Variants in EYS observed in about 807,000 individuals in gnomAD.
EYS encodes EGF-like photoreceptor maintenance factor.
EYS carries 250 observed loss-of-function variants against 282.1 expected under a neutral mutation model. That is an observed-to-expected ratio of 0.89 (90% CI 0.80 to 0.98). The LOEUF (loss-of-function observed/expected upper bound fraction) is 0.98, where lower values mean the gene tolerates loss of function less well. Ranked by LOEUF, EYS falls within the 50% of genes least tolerant of loss-of-function variation. The pLI is 0.00. For synonymous variants in EYS, 1,355 were observed against 1,282.9 expected, an observed-to-expected ratio of 1.06 and a Z score of -1.20; for missense variants, 4,016 against 3,709.0, an observed-to-expected ratio of 1.08 and a Z score of -2.15.
At chr6:64,880,259 C>A (rs1766872268) in intron 19 of EYS, among the ~76,000 whole-genome samples, 1 of 151,938 alleles carries the variant, frequency 6.6e-6, no homozygotes, top group Admixed American at 6.6e-5. Flanking sequence ...TGCAAGACTG[C>A]TAACTATAGC....
intron 22 of EYS, among the ~76,000 whole-genome samples, chr6:64,734,848 G>A (rs1772130903): frequency 6.6e-6 from 1 of 152,020 alleles, no homozygotes; most frequent in South Asian, 2.1e-4. Context: ...TATCTTTTGA[G>A]TATTTGTATA....
intron 26 of EYS, among the ~76,000 whole-genome samples, chr6:64,519,435 T>C (rs1269952751): frequency 2.0e-5 from 3 of 151,784 alleles, no homozygotes; most frequent in Non-Finnish European, 4.4e-5. Flanking sequence ...AAATGTTGAA[T>C]GAAGAGGAGA....
At chr6:64,548,031 G>A (rs532960400) in intron 26 of EYS, among the ~76,000 whole-genome samples, 33 of 152,150 alleles carry the variant, frequency 2.2e-4, no homozygotes, top group Non-Finnish European at 3.1e-4. Flanking sequence ...CCTGGTTCCC[G>A]CCTGCGCCTG....
chr6:64,797,812 A>ATAAGCAATT (rs1774405125), intron 22 of EYS, among the ~76,000 whole-genome samples: 1 of 152,128 alleles, frequency 6.6e-6, no homozygotes, highest in Admixed American at 6.6e-5. Flanking sequence ...TAAATCTTAA[A>ATAAGCAATT]TAAGCAATAT....
chr6:64,796,542 A>G (rs1159618488), intron 22 of EYS, among the ~76,000 whole-genome samples: 1 of 152,160 alleles, frequency 6.6e-6, no homozygotes, highest in Non-Finnish European at 1.5e-5. Flanking sequence ...AGTTGAGTTT[A>G]AGGCTCTGAA....
At chr6:64,613,343 C>T (rs1174289482) in intron 24 of EYS, among the ~76,000 whole-genome samples, 3 of 152,004 alleles carry the variant, frequency 2.0e-5, no homozygotes, top group Non-Finnish European at 4.4e-5. Context: ...GAAAGAAAAT[C>T]CATTCATGTT....
At chr6:64,513,475 T>C (rs979038011) in intron 26 of EYS, among the ~76,000 whole-genome samples, 1 of 151,958 alleles carries the variant, frequency 6.6e-6, no homozygotes, top group Non-Finnish European at 1.5e-5. Context: ...TATAAACTTG[T>C]AGTATCTATT....
At chr6:64,426,493 T>C (rs184836100) in intron 28 of EYS, among the ~76,000 whole-genome samples, 20 of 152,258 alleles carry the variant, frequency 1.3e-4, no homozygotes, top group Admixed American at 3.9e-4. Flanking sequence ...ATCAAAGTAA[T>C]ATAAGATCTC....
chr6:64,588,253 C>G (rs901897616), intron 26 of EYS, among the ~76,000 whole-genome samples: 4 of 152,032 alleles, frequency 2.6e-5, no homozygotes, highest in African/African-American at 7.2e-5. Flanking sequence ...TTTAGTGGAA[C>G]AAGCCATTAT....
At chr6:63,956,895 C>T (rs1765849358) in intron 35 of EYS, among the ~76,000 whole-genome samples, 1 of 152,138 alleles carries the variant, frequency 6.6e-6, no homozygotes, top group Admixed American at 6.5e-5. Context: ...GTCTCCAATA[C>T]ACCTTTTAAA....
rs917772540 is a variant in EYS, at chr6:63,796,932, C to T, written c.7412-7708G>A. Among the ~76,000 whole-genome samples the T allele has an allele frequency of 2.0e-5, 3 of 152,180 alleles. No homozygotes were observed. The South Asian group carries it at 6.2e-4, about 31-fold the overall frequency. On this transcript the variant is annotated intron_variant, in intron 37 of 42. Coordinates refer to ENST00000503581, the MANE Select transcript of EYS (RefSeq NM_001142800.2). ...AGAGAAAATGTAAGAGGAGCCACAA[C>T]GATGGTGCTGTGGTTCTCCCACCAA...
chr6:65,378,378 GA>G (rs1765466329), intron 8 of EYS, among the ~76,000 whole-genome samples: 1 of 152,092 alleles, frequency 6.6e-6, no homozygotes, highest in Non-Finnish European at 1.5e-5. Flanking sequence ...TAAATGTCAG[GA>G]ATCAACAGAT....
chr6:65,434,264 G>A (rs1767982417), intron 5 of EYS, among the ~76,000 whole-genome samples: 1 of 146,298 alleles, frequency 6.8e-6, no homozygotes, highest in Admixed American at 7.0e-5. Context: ...AGAAGGAAGA[G>A]GCAATATTAA....
chr6:63,720,492 G>T lies in EYS; in HGVS notation c.*104C>A. ...TATGTTAGCATTTAGACTATTTCAG[G>T]TAATATAGTAAACAGTTGATTCCCC... On this transcript the variant is annotated 3_prime_UTR_variant, in exon 43 of 43. Transcript: ENST00000503581. 2.6e-6 allele frequency: 2 copies of T among 774,368 alleles called. No homozygotes were observed. Among genetic ancestry groups the T allele is most frequent in the Non-Finnish European group, 3.9e-6 (2 of 506,346 alleles). 48.0% of individuals were successfully genotyped at this position (774,368 alleles called of 1,614,324 possible).
chr6:65,034,807 A>G (rs1772715828), intron 13 of EYS, among the ~76,000 whole-genome samples: 1 of 152,112 alleles, frequency 6.6e-6, no homozygotes, highest in Non-Finnish European at 1.5e-5. Context: ...TACAATTCCT[A>G]CTGAAACTAT....
chr6:64,999,145 A>C (rs1413556543), intron 13 of EYS, among the ~76,000 whole-genome samples: 1 of 152,242 alleles, frequency 6.6e-6, no homozygotes, highest in African/African-American at 2.4e-5. Context: ...TCTGGAATAA[A>C]AATTAATAAA....
intron 12 of EYS, among the ~76,000 whole-genome samples, chr6:65,168,494 T>A (rs1363140319): frequency 1.3e-5 from 2 of 151,218 alleles, no homozygotes; most frequent in Non-Finnish European, 3.0e-5. Context: ...CTCTTCCCTG[T>A]AACATCAAAT....
chr6:63,887,261 G>GTGACTAAAACTGAGAAAGGCCT (rs1773283141), intron 35 of EYS, among the ~76,000 whole-genome samples: 1 of 150,968 alleles, frequency 6.6e-6, no homozygotes, highest in Non-Finnish European at 1.5e-5. Flanking sequence ...AGACCATTAA[G>GTGACTAAAACTGAGAAAGGCCT]TGACTAAAAC....
At chr6:64,620,641 C>T (rs557284067) in intron 23 of EYS, among the ~76,000 whole-genome samples, 1 of 151,802 alleles carries the variant, frequency 6.6e-6, no homozygotes, top group African/African-American at 2.4e-5. Context: ...TGGTGTGGGA[C>T]AAGGTAATGG....
Sources: allele counts gnomAD v4.1 joint callset (sites outside exome capture counted in the v4.1 genomes callset), GRCh38; gene constraint gnomAD v4.1.1; transcripts MANE v1.5; gene names NCBI Gene and HGNC (gene_info 2026-07-23, HGNC 2026-07-21).